Variants in KATNIP observed in about 807,000 individuals in gnomAD.
The protein encoded by KATNIP is katanin-interacting protein.
In KATNIP, 126 loss-of-function variants were observed where a neutral mutation model predicts 174.0. The observed-to-expected ratio is 0.72, with a 90% CI of 0.63 to 0.84. KATNIP has a LOEUF of 0.84. KATNIP is among the 40% of genes least tolerant of loss of function. The pLI is 0.00. For synonymous variants in KATNIP, 810 were observed against 835.7 expected (o/e 0.97, Z 0.53); for missense variants, 1,958 against 2,109.7 (o/e 0.93, Z 1.41).
chr16:27,618,179 A>G (rs1428451091), intron 2 of KATNIP, among the ~76,000 whole-genome samples: 1 of 152,220 alleles, frequency 6.6e-6, no homozygotes, highest in African/African-American at 2.4e-5. Context: ...AACGAACAGT[A>G]GCGAGAGGCG....
rs143544045 is a variant in KATNIP at position 27,698,403 on chromosome 16, A to T, written c.1016A>T (p.Asp339Val). ...TLCEAEYPEE[D>V]ASAVLQAIQV... ...TGCGAGGCTGAGTACCCAGAGGAAGATGCCTCTGCTGTGCTCCAAGCCATC... is the reference window on the plus strand; with the variant it reads ...TGCGAGGCTGAGTACCCAGAGGAAGTTGCCTCTGCTGTGCTCCAAGCCATC... Residue 339 changes from aspartate (D) to valine (V), a missense_variant, in exon 9 of 28, where the codon GAT (aspartate) becomes GTT (valine). By Grantham distance (152) the Asp-to-Val change is radical. Coordinates refer to ENST00000261588, the MANE Select transcript of KATNIP (RefSeq NM_015202.5). 1.1e-3 allele frequency: 1,750 copies of T among 1,613,708 alleles called. 29 individuals are homozygous for T. In the South Asian group the frequency reaches 0.019, roughly 17 times the overall value.
intron 5 of KATNIP, among the ~76,000 whole-genome samples, chr16:27,641,489 AC>A (rs2076796906): frequency 6.6e-6 from 1 of 151,406 alleles, no homozygotes; most frequent in African/African-American, 2.4e-5. Flanking sequence ...ACGTGCTTCC[AC>A]CCCTTGGGAG....
intron 27 of KATNIP, among the ~76,000 whole-genome samples, chr16:27,778,200 C>T (rs2082572013): frequency 6.6e-6 from 1 of 152,210 alleles, no homozygotes; most frequent in South Asian, 2.1e-4. Flanking sequence ...CTTCCTGAAT[C>T]TAAGTGTCGT....
chr16:27,639,176 A>G (rs1296350026), intron 5 of KATNIP, among the ~76,000 whole-genome samples: 1 of 151,702 alleles, frequency 6.6e-6, no homozygotes, highest in East Asian at 1.9e-4. Flanking sequence ...AGTCATCCCA[A>G]CTCTGGCTCC....
At chr16:27,566,649 C>A (rs1399237545) in intron 1 of KATNIP, among the ~76,000 whole-genome samples, 1 of 152,204 alleles carries the variant, frequency 6.6e-6, no homozygotes, top group East Asian at 1.9e-4. Context: ...GGCAAGCACG[C>A]TGAGCATACT....
At chr16:27,758,430 C>T (rs1406607582) in intron 18 of KATNIP, among the ~76,000 whole-genome samples, 1 of 152,176 alleles carries the variant, frequency 6.6e-6, no homozygotes, top group Non-Finnish European at 1.5e-5. Flanking sequence ...ATCCTTACTG[C>T]AACAGCTTCC....
intron 9 of KATNIP, among the ~76,000 whole-genome samples, chr16:27,698,772 C>G (rs1453078149): frequency 6.6e-6 from 1 of 152,248 alleles, no homozygotes; most frequent in Non-Finnish European, 1.5e-5. Context: ...CCTGCAAACC[C>G]TGGATACCTT....
intron 1 of KATNIP, among the ~76,000 whole-genome samples, chr16:27,563,956 A>C (rs540441429): frequency 1.2e-4 from 17 of 143,226 alleles, no homozygotes; most frequent in African/African-American, 4.3e-4. Flanking sequence ...CTAGCTACTT[A>C]GGAGGCTGAG....
At chr16:27,766,573 A>G in intron 20 of KATNIP, 99 bp downstream of exon 20, 1 of 1,292,198 alleles carries the variant, frequency 7.7e-7, no homozygotes, top group Non-Finnish European at 1.1e-6. Context: ...TAAATCCTCC[A>G]GAATTTTCCA....
chr16:27,767,036 G>A (rs1257456040), intron 20 of KATNIP, among the ~76,000 whole-genome samples: 1 of 152,172 alleles, frequency 6.6e-6, no homozygotes, highest in Non-Finnish European at 1.5e-5. Flanking sequence ...CTGAGACTCA[G>A]CCTCGGTGGG....
Position 27,778,887 on chromosome 16 carries a change from T to A in KATNIP, c.*258T>A, listed in dbSNP as rs2082600657. On this transcript the variant is annotated 3_prime_UTR_variant, in exon 28 of 28. Coordinates refer to ENST00000261588, the MANE Select transcript of KATNIP (RefSeq NM_015202.5). ...AGCCCAGGACACCCGCCTTCATGCC[T>A]CTGCTGTGAGACCCAGCAAAGCAGG... The A allele has an allele frequency of 1.8e-5, 8 of 441,122 alleles. No homozygotes were observed. Among genetic ancestry groups the A allele is most frequent in the Non-Finnish European group, 4.0e-6 (1 of 249,806 alleles). The allele number at this position is 441,122 out of a possible 1,614,324, so 27.3% of individuals were successfully genotyped here. A position where few individuals can be genotyped will look rare whatever the true frequency, so the allele number is the denominator to read the frequency against.
At chr16:27,718,017 T>C (rs965944404) in intron 13 of KATNIP, among the ~76,000 whole-genome samples, 1 of 152,144 alleles carries the variant, frequency 6.6e-6, no homozygotes, top group Non-Finnish European at 1.5e-5. Flanking sequence ...TTCTTCACTC[T>C]CCCATTGATA....
intron 6 of KATNIP, among the ~76,000 whole-genome samples, chr16:27,650,034 G>A (rs967673425): frequency 2.0e-5 from 3 of 152,152 alleles, no homozygotes; most frequent in East Asian, 1.9e-4. Context: ...TTAGCTGGGC[G>A]TGGTGGTGTG....
intron 13 of KATNIP, among the ~76,000 whole-genome samples, chr16:27,709,869 G>C (rs1256855341): frequency 6.6e-6 from 1 of 152,128 alleles, no homozygotes; most frequent in Admixed American, 6.5e-5. Flanking sequence ...TAAGGTTAAT[G>C]GATGTTCTTT....
At chr16:27,645,270 G>A (rs527837263) in intron 5 of KATNIP, among the ~76,000 whole-genome samples, 1 of 152,334 alleles carries the variant, frequency 6.6e-6, no homozygotes, top group African/African-American at 2.4e-5. Context: ...GCTCACCTGC[G>A]TCACTGCGTG....
chr16:27,641,137 CAAA>C (rs1255873987), intron 5 of KATNIP, among the ~76,000 whole-genome samples: 4 of 124,714 alleles, frequency 3.2e-5, no homozygotes, highest in Admixed American at 8.3e-5. Context: ...GGCTCTGTCT[CAAA>C]AAAAAAAAAA....
intron 8 of KATNIP, among the ~76,000 whole-genome samples, chr16:27,683,283 C>T (rs1390010111): frequency 6.6e-6 from 1 of 152,220 alleles, no homozygotes; most frequent in African/African-American, 2.4e-5. Context: ...CTAACTGGAG[C>T]CTGCATCCCA....
intron 8 of KATNIP, chr16:27,687,082 TC>T (rs2078550975): frequency 6.6e-6 from 1 of 152,204 alleles, no homozygotes; most frequent in Non-Finnish European, 1.5e-5. Flanking sequence ...CCTGGCTACT[TC>T]CAGGTCACCC....
chr16:27,716,879 C>T (rs116981210), intron 13 of KATNIP, among the ~76,000 whole-genome samples: 1,719 of 152,090 alleles, frequency 0.011, 13 homozygotes, highest in Non-Finnish European at 0.017. Flanking sequence ...AAGTCTCACA[C>T]TGTCGCCCAG....
Sources: gnomAD v4.1 joint callset for allele counts (sites outside exome capture counted in the v4.1 genomes callset) on GRCh38, gnomAD v4.1.1 for gene constraint, MANE v1.5 for transcripts, NCBI Gene and HGNC (gene_info 2026-07-23, HGNC 2026-07-21) for gene names.